The following KDM2A variants were observed in gnomAD, a reference collection of about 807,000 sequenced individuals.
The protein encoded by KDM2A is lysine demethylase 2A.
KDM2A carries 3 observed loss-of-function variants against 137.3 expected under a neutral mutation model. That is an observed-to-expected ratio of 0.02 (90% CI 0.01 to 0.06). The LOEUF (loss-of-function observed/expected upper bound fraction) is 0.06. KDM2A is among the 10% of genes least tolerant of loss of function. The pLI is 1.00. For missense variants in KDM2A, 738 were observed against 1,510.6 expected (o/e 0.49, Z 8.48); for synonymous variants, 512 against 541.5 (o/e 0.95, Z 0.76).
At chr11:67,177,328 TAC>T (rs1193501149) in intron 2 of KDM2A, among the ~76,000 whole-genome samples, 1 of 152,222 alleles carries the variant, frequency 6.6e-6, no homozygotes, top group African/African-American at 2.4e-5. Context: ...TAACTTTATA[TAC>T]TTTTGAACAT....
intron 2 of KDM2A, among the ~76,000 whole-genome samples, chr11:67,174,389 C>T (rs1856937331): frequency 6.6e-6 from 1 of 152,212 alleles, no homozygotes; most frequent in Non-Finnish European, 1.5e-5. Flanking sequence ...CCAACTCTTA[C>T]CTGCTTTTTT....
intron 2 of KDM2A, among the ~76,000 whole-genome samples, chr11:67,153,790 T>G (rs1024217581): frequency 1.4e-5 from 2 of 148,104 alleles, no homozygotes; most frequent in Non-Finnish European, 3.0e-5. Flanking sequence ...ATTCCAGCCT[T>G]GAGTAACAGT....
intron 2 of KDM2A, among the ~76,000 whole-genome samples, chr11:67,135,226 G>C (rs945777963): frequency 8.6e-5 from 13 of 151,990 alleles, no homozygotes; most frequent in Non-Finnish European, 4.4e-5. Context: ...GCACCACCCT[G>C]CCCAGCTAAT....
chr11:67,203,790 CTT>C (rs1034778143), intron 5 of KDM2A, among the ~76,000 whole-genome samples: 2 of 141,418 alleles, frequency 1.4e-5, no homozygotes, highest in Non-Finnish European at 1.6e-5. Flanking sequence ...CCTCTACATT[CTT>C]TTTTTTTTTT....
intron 2 of KDM2A, among the ~76,000 whole-genome samples, chr11:67,130,759 AC>A (rs1241067180): frequency 6.6e-6 from 1 of 152,194 alleles, no homozygotes; most frequent in Admixed American, 6.5e-5. Flanking sequence ...AATTCAGTAA[AC>A]ATTTATTATA....
At chr11:67,155,994 A>G (rs1307001288) in intron 2 of KDM2A, among the ~76,000 whole-genome samples, 1 of 147,460 alleles carries the variant, frequency 6.8e-6, no homozygotes, top group African/African-American at 2.5e-5. Context: ...CACGCCTGTA[A>G]TCCCAGCACT....
chr11:67,195,924 C>T (rs1258614104), intron 5 of KDM2A: 1 of 409,706 alleles, frequency 2.4e-6, no homozygotes, highest in Non-Finnish European at 4.9e-6. Context: ...TTTTCTACCA[C>T]TTACAGCAAC....
At chr11:67,211,988 G>A (rs913263894) in intron 6 of KDM2A, among the ~76,000 whole-genome samples, 21 of 152,124 alleles carry the variant, frequency 1.4e-4, no homozygotes, top group African/African-American at 5.1e-4. Flanking sequence ...ACTATAGTAT[G>A]AGCAGTGCTT....
intron 12 of KDM2A, among the ~76,000 whole-genome samples, chr11:67,233,675 T>C (rs1348463958): frequency 7.1e-6 from 1 of 140,716 alleles, no homozygotes. Context: ...AACAAATCCA[T>C]TGGAGTAGTT....
chr11:67,248,670 A>T, intron 16 of KDM2A: 1 of 326,520 alleles, frequency 3.1e-6, no homozygotes, highest in East Asian at 7.6e-5. Flanking sequence ...TTGAGGAGAG[A>T]AATTAGGTGA....
At chr11:67,229,741 G>A (rs747359370) in intron 11 of KDM2A, among the ~76,000 whole-genome samples, 81 of 151,904 alleles carry the variant, frequency 5.3e-4, no homozygotes, top group Non-Finnish European at 8.5e-4. Flanking sequence ...GTGGTGTTGC[G>A]CACCTGTAGT....
chr11:67,189,013 C>T (rs1020870727), intron 5 of KDM2A, among the ~76,000 whole-genome samples: 1 of 152,094 alleles, frequency 6.6e-6, no homozygotes, highest in Middle Eastern at 3.4e-3. Flanking sequence ...ATAGAACAAC[C>T]AGACAGAAAA....
At chr11:67,176,910 T>C (rs1315205415) in intron 2 of KDM2A, among the ~76,000 whole-genome samples, 2 of 152,204 alleles carry the variant, frequency 1.3e-5, no homozygotes, top group Non-Finnish European at 1.5e-5. Context: ...TAAGACACTT[T>C]TGTAGATTTT....
intron 2 of KDM2A, among the ~76,000 whole-genome samples, chr11:67,124,876 G>A (rs896761645): frequency 8.7e-6 from 1 of 115,338 alleles, no homozygotes; most frequent in Non-Finnish European, 1.8e-5. Flanking sequence ...TTTTTTTTTT[G>A]AGACAGAGTC....
At chr11:67,241,834 C>T (rs1317696719) in intron 12 of KDM2A, among the ~76,000 whole-genome samples, 1 of 152,004 alleles carries the variant, frequency 6.6e-6, no homozygotes, top group East Asian at 1.9e-4. Context: ...TTTGGGAGGC[C>T]GAGGCAAGCG....
At chr11:67,123,125 A>G (rs1369672029) in intron 2 of KDM2A, among the ~76,000 whole-genome samples, 1 of 151,366 alleles carries the variant, frequency 6.6e-6, no homozygotes, top group Non-Finnish European at 1.5e-5. Flanking sequence ...GTGTGCCACC[A>G]TGCCAGGGTA....
intron 11 of KDM2A, 101 bp downstream of exon 11, chr11:67,228,264 T>A: frequency 1.5e-6 from 2 of 1,296,452 alleles, no homozygotes; most frequent in Non-Finnish European, 2.1e-6. Flanking sequence ...CTTGGTTTTT[T>A]AATTCATCTA....
chr11:67,160,752 A>C lies in KDM2A; in HGVS notation c.43-19327A>C, dbSNP rs893016543. Among the ~76,000 whole-genome samples the C allele has an allele frequency of 2.0e-5, 3 of 152,054 alleles. No homozygotes were observed. The South Asian group carries it at 6.2e-4, about 31-fold the overall frequency. On this transcript the variant is annotated intron_variant, in intron 2 of 20. Coordinates refer to ENST00000529006, the MANE Select transcript of KDM2A (RefSeq NM_012308.3). ...TGCCATTGCACGCCAGCCTGGGCAA[A>C]AAGAGTGAAACTCCATCTCAAAAAA...
rs1358834629 is a variant in KDM2A at position 67,254,493 on chromosome 11, A to G, written c.3307+75A>G. ...CTCCCTGGAACTTGATCAGTAAACC[A>G]GAATGACCTTGGGTCTGTTGATTGA... On this transcript the variant is annotated intron_variant, in intron 20 of 20. Coordinates refer to ENST00000529006, the MANE Select transcript of KDM2A (RefSeq NM_012308.3). This position sits in a 1 kb window ranked among gnomAD's most constrained non-coding sequence, Gnocchi z 4.7. 1.6e-6 allele frequency: 2 copies of G among 1,290,240 alleles called. No homozygotes were observed. Among genetic ancestry groups the G allele is most frequent in the South Asian group, 2.4e-5 (2 of 83,804 alleles). 79.9% of individuals were successfully genotyped at this position (1,290,240 alleles called of 1,614,324 possible).
Sources: gnomAD v4.1 joint callset for allele counts (sites outside exome capture counted in the v4.1 genomes callset) on GRCh38, gnomAD v4.1.1 for gene constraint, Gnocchi (gnomAD v3.1) non-coding constraint, MANE v1.5 for transcripts, NCBI Gene and HGNC (gene_info 2026-07-23, HGNC 2026-07-21) for gene names.